ADGRE3: variants seen among roughly 807,000 people sequenced by gnomAD.
The protein encoded by ADGRE3 is EGF-like module receptor 3.
Under a neutral mutation model 80.1 loss-of-function variants are expected in ADGRE3, and 88 were observed. The observed-to-expected ratio is 1.10, with a 90% confidence interval of 0.93 to 1.31. The LOEUF (loss-of-function observed/expected upper bound fraction) is 1.31. Ranked by LOEUF, ADGRE3 falls within the 40% of genes most tolerant of loss-of-function variation. The probability of loss-of-function intolerance (pLI) is 0.00; values close to 1 mark genes in which losing one functional copy is unlikely to be tolerated. For synonymous variants in ADGRE3, 281 were observed against 294.8 expected, an observed-to-expected ratio of 0.95 and a Z score of 0.48; for missense variants, 715 against 776.5, an observed-to-expected ratio of 0.92 and a Z score of 0.94.
chr19:14,617,454 A>G (rs1264939014), downstream of ADGRE3, among the ~76,000 whole-genome samples: 2 of 148,424 alleles, frequency 1.3e-5, no homozygotes, highest in Non-Finnish European at 1.5e-5. Flanking sequence ...CTAGAGTGCA[A>G]TGGCATGATA....
intron 13 of ADGRE3, 98 bp from the exon 14 acceptor site, chr19:14,630,305 ACTAC>A: frequency 1.0e-6 from 1 of 994,820 alleles, no homozygotes; most frequent in Non-Finnish European, 1.4e-6. Context: ...CTGGAGCTAG[ACTAC>A]CTGAGTTTAA....
At chr19:14,659,043 C>CT (rs35454655) in intron 4 of ADGRE3, among the ~76,000 whole-genome samples, 47,338 of 142,518 alleles carry the variant, frequency 0.33, 8,018 homozygotes, top group African/African-American at 0.44. Flanking sequence ...TTTTTTTTCC[C>CT]TTTTTTTTTT....
Position 14,631,200 on chromosome 19 carries a change from G to T in ADGRE3, c.1644-993C>A, listed in dbSNP as rs115493788. ...GTCATATAATTTGTTATTCAAACAG[G>T]AAGGCTTTTGTGATCAAAAGGAGGT... is the stretch of plus-strand genomic sequence containing the variant. On this transcript the variant is annotated intron_variant, in intron 13 of 15. Transcript: ENST00000253673. Among the ~76,000 whole-genome samples the T allele has an allele frequency of 2.9e-3, 442 of 152,218 alleles. 3 individuals carry two copies. The highest frequency in any genetic ancestry group is 0.01 in the African/African-American group (430 of 41,532).
chr19:14,673,724 G>C (rs1412779378), intron 1 of ADGRE3, among the ~76,000 whole-genome samples: 1 of 152,132 alleles, frequency 6.6e-6, no homozygotes, highest in Admixed American at 6.5e-5. Context: ...AAAAATGTTG[G>C]TTATCATTAT....
At chr19:14,653,744 A>G (rs1489802389) in intron 6 of ADGRE3, among the ~76,000 whole-genome samples, 1 of 151,656 alleles carries the variant, frequency 6.6e-6, no homozygotes, top group Non-Finnish European at 1.5e-5. Flanking sequence ...AGCTAATATT[A>G]TCCTCATTTT....
At chr19:14,656,551 G>A (rs1450385620) in intron 5 of ADGRE3, among the ~76,000 whole-genome samples, 6 of 152,108 alleles carry the variant, frequency 3.9e-5, no homozygotes, top group South Asian at 2.1e-4. Context: ...GGCCAGGTGC[G>A]ACATTTACTT....
chr19:14,610,277 C>A, the ADGRE3 span: 1 of 1,519,026 alleles, frequency 6.6e-7, no homozygotes. Flanking sequence ...GACGGCCTTG[C>A]CTCTTCGTGA....
chr19:14,636,081 C>CCTTTCTTT lies in ADGRE3; in HGVS notation c.1484+2016_1484+2023dup, dbSNP rs1173314767. Among the ~76,000 whole-genome samples, 184 of 24,570 alleles carry CCTTTCTTT rather than the reference C, an allele frequency of 7.5e-3. 15 individuals carry two copies. Among genetic ancestry groups the CCTTTCTTT allele is most frequent in the East Asian group, 0.028 (19 of 676 alleles). 16.1% of individuals were successfully genotyped at this position (24,570 alleles called of 152,430 possible). On this transcript the variant is annotated intron_variant, in intron 11 of 15. Transcript: ENST00000253673. ...CCTTCCTTTCCTTTCCTTTCCTTTC[C>CCTTTCTTT]CTTTCTTTCTTTCTTTCTTTCTTTC... is the stretch of plus-strand genomic sequence containing the variant.
intron 2 of ADGRE3, among the ~76,000 whole-genome samples, chr19:14,664,298 G>C (rs12151217): frequency 6.6e-6 from 1 of 151,902 alleles, no homozygotes; most frequent in Admixed American, 6.6e-5. Flanking sequence ...TTAGCCAGGC[G>C]TAGTGGCACA....
intron 15 of ADGRE3, among the ~76,000 whole-genome samples, chr19:14,620,792 T>C (rs1464874276): frequency 6.7e-6 from 1 of 150,152 alleles, no homozygotes; most frequent in Non-Finnish European, 1.5e-5. Flanking sequence ...AGAGACAGGG[T>C]CTCACTATAC....
intron 15 of ADGRE3, among the ~76,000 whole-genome samples, chr19:14,623,714 T>A (rs570128783): frequency 6.6e-6 from 1 of 152,236 alleles, no homozygotes; most frequent in South Asian, 2.1e-4. Context: ...CAGTGGGCAT[T>A]TGGGGGAAGA....
At chr19:14,620,581 T>A (rs1196547520) in intron 15 of ADGRE3, among the ~76,000 whole-genome samples, 491 of 32,004 alleles carry the variant, frequency 0.015, 55 homozygotes, top group Non-Finnish European at 0.022. Flanking sequence ...TTTTTTTTTT[T>A]TTTTTTTTTT....
the ADGRE3 span, among the ~76,000 whole-genome samples, chr19:14,604,297 T>C: frequency 6.6e-6 from 1 of 152,138 alleles, no homozygotes; most frequent in Admixed American, 6.6e-5. Flanking sequence ...GATACCAGAT[T>C]CTTCTCTCTG....
In ADGRE3 at chr19:14,632,949, TA is replaced by T. The variant is rs560321303; in HGVS notation, c.1614del (p.Asn538LysfsTer80). On this transcript the variant is annotated frameshift_variant, in exon 13 of 16. Transcript: ENST00000253673. LOFTEE classifies it high-confidence loss of function. ...WILKRKLSSL[N>X]SEVSTIQNTR... ...GTGTTCTGGATGGTTGACACTTCACTATTGAGGGAGGAAAGTTTTCTTTTCA... is the reference window on the plus strand; with the variant it reads ...GTGTTCTGGATGGTTGACACTTCACTTTGAGGGAGGAAAGTTTTCTTTTCA... The T allele has an allele frequency of 1.1e-4, 170 of 1,613,488 alleles. No individual in the cohort carries two copies. Among genetic ancestry groups the T allele is most frequent in the Non-Finnish European group, 1.3e-4 (155 of 1,179,550 alleles).
chr19:14,670,907 T>C (rs539851597), intron 1 of ADGRE3, among the ~76,000 whole-genome samples: 28 of 152,160 alleles, frequency 1.8e-4, no homozygotes, highest in Non-Finnish European at 3.5e-4. Flanking sequence ...TGCATGGAAG[T>C]GCTGTTCAGA....
intron 13 of ADGRE3, 105 bp from the exon 14 acceptor site, chr19:14,630,312 GA>G: frequency 1.1e-6 from 1 of 903,950 alleles, no homozygotes; most frequent in South Asian, 3.7e-5. Context: ...TAGACTACCT[GA>G]GTTTAAATGG....
Position 14,620,553 on chromosome 19 carries a change from T to TA in ADGRE3, c.1921-1083dup, listed in dbSNP as rs1462568699. On this transcript the variant is annotated intron_variant, in intron 15 of 15. Transcript: ENST00000253673. ...ATATATATTTTATATATATATTATA[T>TA]ATATATATATATATATTTTTTTTTT... is the stretch of plus-strand genomic sequence containing the variant. Among the ~76,000 whole-genome samples, 103 of 24,856 alleles carry TA rather than the reference T, an allele frequency of 4.1e-3. 12 individuals are homozygous for TA. The highest frequency in any genetic ancestry group is 5.9e-3 in the Non-Finnish European group (83 of 14,060). 16.3% of individuals were successfully genotyped at this position (24,856 alleles called of 152,430 possible).
At position 14,638,088 on chromosome 19, in the gene ADGRE3, G is replaced by A. The variant is rs758969999; in HGVS notation, c.1484+17C>T. ...CTTAGGAAACTGTCCATGACACAAG[G>A]TGGGATTCAAGCTCACCGATCAGCA... is the stretch of plus-strand genomic sequence containing the variant. On this transcript the variant is annotated intron_variant, in intron 11 of 15. Coordinates refer to ENST00000253673, the MANE Select transcript of ADGRE3 (RefSeq NM_032571.5). 9.5e-6 allele frequency: 15 copies of A among 1,581,098 alleles called. No individual in the cohort carries two copies. Among genetic ancestry groups the A allele is most frequent in the Non-Finnish European group, 1.3e-5 (15 of 1,150,212 alleles).
At position 14,636,004 on chromosome 19, in the gene ADGRE3, T is replaced by C. The variant is rs1426466642; in HGVS notation, c.1484+2101A>G. Among the ~76,000 whole-genome samples the C allele has an allele frequency of 6.7e-5, 5 of 74,280 alleles. 1 individual carries two copies. The highest frequency in any genetic ancestry group is 1.4e-4 in the Non-Finnish European group (5 of 35,948). 48.7% of individuals were successfully genotyped at this position (74,280 alleles called of 152,430 possible). A position where few individuals can be genotyped will look rare whatever the true frequency, so the allele number is the denominator to read the frequency against. ...TAAAGCTCTCCTTTCTCTCTCTTTCTCTTTCTTTCTTCCTTCCTTCCTTCC... is the reference window on the plus strand; with the variant it reads ...TAAAGCTCTCCTTTCTCTCTCTTTCCCTTTCTTTCTTCCTTCCTTCCTTCC... On this transcript the variant is annotated intron_variant, in intron 11 of 15. Coordinates refer to ENST00000253673, the MANE Select transcript of ADGRE3 (RefSeq NM_032571.5).
Sources: gnomAD v4.1 joint callset for allele counts (sites outside exome capture counted in the v4.1 genomes callset) on GRCh38, gnomAD v4.1.1 for gene constraint, MANE v1.5 for transcripts, NCBI Gene and HGNC (gene_info 2026-07-23, HGNC 2026-07-21) for gene names.